ANKRD30B: variants seen among roughly 807,000 people sequenced by gnomAD.
ANKRD30B encodes the protein ankyrin repeat domain 30B, also known as ankyrin repeat domain-containing protein 30B.
Under a neutral mutation model 202.2 loss-of-function variants are expected in ANKRD30B, and 144 were observed. The ratio of observed to expected loss-of-function variants is 0.71; its 90% CI spans 0.62 to 0.82. The LOEUF is 0.82. Ranked by LOEUF, ANKRD30B falls within the 40% of genes least tolerant of loss-of-function variation. The pLI, the probability that ANKRD30B is intolerant of heterozygous loss-of-function variation, is 0.00. For missense variants in ANKRD30B, 1,487 were observed against 1,669.1 expected (o/e 0.89, Z 1.90); for synonymous variants, 508 against 561.3 (o/e 0.91, Z 1.34).
At position 14,796,380 on chromosome 18, in the gene ANKRD30B, C is replaced by T. The variant is rs780683962; in HGVS notation, c.1892C>T (p.Ala631Val). 1.9e-6 allele frequency: 3 copies of T among 1,563,690 alleles called. No homozygotes were observed. Among genetic ancestry groups the T allele is most frequent in the Non-Finnish European group, 2.6e-6 (3 of 1,153,398 alleles). ...CGRKVSLPNK[A>V]LELKDRETFK... Reference sequence around the variant, plus strand: ...AGGAAAGTTTCTCTTCCAAATAAAGCCTTAGAATTAAAGGACAGAGAAACA... The same window carrying T: ...AGGAAAGTTTCTCTTCCAAATAAAGTCTTAGAATTAAAGGACAGAGAAACA... The change falls in exon 18 of 44, where the codon GCC (alanine) becomes GTC (valine). Residue 631 changes from alanine (A) to valine (V), a missense_variant. Transcript: ENST00000690538.
chr18:14,824,109 C>CA (rs1244419569), intron 32 of ANKRD30B, among the ~76,000 whole-genome samples: 1 of 23,448 alleles, frequency 4.3e-5, no homozygotes, highest in Non-Finnish European at 2.4e-3. Context: ...TTTGGAACTT[C>CA]CTTTTTTTTT....
At chr18:14,883,477 G>A in the ANKRD30B span, 1 of 137,148 alleles carries the variant, frequency 7.3e-6, no homozygotes, top group Admixed American at 7.4e-5. Flanking sequence ...AGATATATAC[G>A]GAACAGGGGA....
intron 24 of ANKRD30B, among the ~76,000 whole-genome samples, chr18:14,804,828 T>A (rs1316270457): frequency 2.6e-5 from 4 of 150,966 alleles, no homozygotes; most frequent in Non-Finnish European, 5.9e-5. Context: ...TGATTACTTT[T>A]GCTAAAGAAG....
At chr18:14,912,781 C>T in the ANKRD30B span, among the ~76,000 whole-genome samples, 1 of 152,178 alleles carries the variant, frequency 6.6e-6, no homozygotes, top group Non-Finnish European at 1.5e-5. Context: ...ATTAGTGATT[C>T]CATAAAATTA....
chr18:14,909,468 T>C, the ANKRD30B span, among the ~76,000 whole-genome samples: 6 of 152,276 alleles, frequency 3.9e-5, no homozygotes, highest in African/African-American at 1.2e-4. Flanking sequence ...AGTGCAGTGG[T>C]GTGATCTCAT....
chr18:14,766,398 A>G (rs1384143461), intron 7 of ANKRD30B, among the ~76,000 whole-genome samples: 2 of 131,828 alleles, frequency 1.5e-5, no homozygotes, highest in African/African-American at 5.6e-5. Context: ...GCATGAACCC[A>G]GGAGGTGGAG....
chr18:14,842,713 G>A (rs1971466073), intron 37 of ANKRD30B, among the ~76,000 whole-genome samples, 184 bp from the exon 38 acceptor site: 1 of 152,166 alleles, frequency 6.6e-6, no homozygotes, highest in Admixed American at 6.5e-5. Flanking sequence ...TAGATTCCTA[G>A]TTTCTTCAGT....
chr18:14,818,743 T>C (rs1055248097), intron 30 of ANKRD30B, among the ~76,000 whole-genome samples: 1 of 152,156 alleles, frequency 6.6e-6, no homozygotes, highest in Non-Finnish European at 1.5e-5. Context: ...TGCCACATTT[T>C]CTTAATCCAG....
Position 14,748,410 on chromosome 18 carries a change from G to A in ANKRD30B, c.-10G>A, listed in dbSNP as rs1174333349. ...GAGGCGCGGGCTCTCTCTAGCAGGG[G>A]GCTGCAGCCATGAAGAGGCTCTTAG... On this transcript the variant is annotated 5_prime_UTR_variant, in exon 1 of 44. Transcript: ENST00000690538. 1.4e-6 allele frequency: 2 copies of A among 1,478,294 alleles called. No individual in the cohort carries two copies. The highest frequency in any genetic ancestry group is 1.4e-5 in the African/African-American group (1 of 70,600). 91.6% of individuals were successfully genotyped at this position (1,478,294 alleles called of 1,614,324 possible).
the ANKRD30B span, among the ~76,000 whole-genome samples, chr18:14,933,102 G>A: frequency 1.3e-5 from 2 of 152,178 alleles, no homozygotes; most frequent in Non-Finnish European, 1.5e-5. Context: ...TGCCTTATCT[G>A]TAAAAATGGA....
chr18:14,755,344 A>T (rs1272820701), intron 4 of ANKRD30B, among the ~76,000 whole-genome samples: 1 of 152,046 alleles, frequency 6.6e-6, no homozygotes, highest in African/African-American at 2.4e-5. Flanking sequence ...TTGAATTATT[A>T]ACAGTTTTAT....
the ANKRD30B span, among the ~76,000 whole-genome samples, chr18:14,887,625 G>A: frequency 1.3e-5 from 2 of 151,754 alleles, no homozygotes; most frequent in African/African-American, 4.8e-5. Flanking sequence ...CTGTGTGCTA[G>A]ACTTAGTGTC....
the ANKRD30B span, among the ~76,000 whole-genome samples, chr18:14,887,386 G>T: frequency 6.6e-6 from 1 of 152,088 alleles, no homozygotes; most frequent in South Asian, 2.1e-4. Context: ...AATATACATA[G>T]TTCTAAAATA....
the ANKRD30B span, chr18:14,883,576 T>G: frequency 6.7e-6 from 1 of 150,062 alleles, no homozygotes; most frequent in Non-Finnish European, 1.5e-5. Context: ...GGTGGCTGAT[T>G]GCCTTCAGCA....
chr18:14,767,871 C>T (rs756654760), intron 7 of ANKRD30B, among the ~76,000 whole-genome samples: 11 of 152,144 alleles, frequency 7.2e-5, no homozygotes, highest in East Asian at 1.9e-4. Context: ...CTATGGTTGA[C>T]CATGAATAAC....
chr18:14,921,418 T>A, the ANKRD30B span, among the ~76,000 whole-genome samples: 1 of 151,590 alleles, frequency 6.6e-6, no homozygotes, highest in South Asian at 2.1e-4. Context: ...TGTTTAGATA[T>A]AATTGCCTGT....
At chr18:14,748,745 T>C (rs1187690868) in intron 1 of ANKRD30B, 105 bp downstream of exon 1, 20 of 1,203,502 alleles carry the variant, frequency 1.7e-5, no homozygotes, top group Non-Finnish European at 1.1e-5. Context: ...GGGGAGCAGG[T>C]GGAGGAGTGG....
In ANKRD30B at chr18:14,778,000, G is replaced by C; in HGVS notation, c.1345G>C (p.Ala449Pro). Residue 449 changes from alanine (A) to proline (P), a missense_variant, in exon 10 of 44, where the codon GCT becomes CCT. Coordinates refer to ENST00000690538, the MANE Select transcript of ANKRD30B (RefSeq NM_001367607.2). ...CCTTTAACAGATTATCTCTAAGAGTGCTGCACAGAATTATACGTGTTTACC... is the reference window on the plus strand; with the variant it reads ...CCTTTAACAGATTATCTCTAAGAGTCCTGCACAGAATTATACGTGTTTACC... ...NLATKIISKSAAQNYTCLPDA... is the reference protein window; with the variant it reads ...NLATKIISKSPAQNYTCLPDA... The C allele has an allele frequency of 1.3e-6, 2 of 1,546,766 alleles. No homozygotes were observed. The highest frequency in any genetic ancestry group is 1.7e-6 in the Non-Finnish European group (2 of 1,143,630).
At chr18:14,833,669 T>C (rs982647803) in intron 34 of ANKRD30B, among the ~76,000 whole-genome samples, 6 of 152,198 alleles carry the variant, frequency 3.9e-5, no homozygotes, top group Non-Finnish European at 7.3e-5. Context: ...AAAATTAAAA[T>C]CTTTATTACA....
Sources: allele counts gnomAD v4.1 joint callset (sites outside exome capture counted in the v4.1 genomes callset), GRCh38; gene constraint gnomAD v4.1.1; transcripts MANE v1.5; gene names NCBI Gene and HGNC (gene_info 2026-07-23, HGNC 2026-07-21).